The following SORCS2 variants were observed in gnomAD, a reference collection of about 807,000 sequenced individuals.
SORCS2 encodes sortilin related VPS10 domain containing receptor 2.
In SORCS2, 100 loss-of-function variants were observed where a neutral mutation model predicts 141.6. That is an observed-to-expected ratio of 0.71 (90% CI 0.60 to 0.83). SORCS2 has a LOEUF of 0.83. Among genes scored for constraint, SORCS2 ranks in the 40% least tolerant of loss-of-function variants. The pLI, the probability that SORCS2 is intolerant of heterozygous loss-of-function variation, is 0.00. For missense variants in SORCS2, 1,646 were observed against 1,560.2 expected (o/e 1.05, Z -0.93); for synonymous variants, 789 against 676.9 (o/e 1.17, Z -2.57).
At chr4:7,485,053 G>A (rs916185760) in intron 2 of SORCS2, among the ~76,000 whole-genome samples, 4 of 152,306 alleles carry the variant, frequency 2.6e-5, no homozygotes, top group Non-Finnish European at 5.9e-5. Context: ...GGCGTTTGTT[G>A]AGTGAATGAA....
At chr4:7,521,717 T>C (rs773778693) in intron 2 of SORCS2, among the ~76,000 whole-genome samples, 38 of 152,236 alleles carry the variant, frequency 2.5e-4, no homozygotes, top group Non-Finnish European at 5.0e-4. Context: ...GGTTCCAGTC[T>C]GGGGTTCCCT....
chr4:7,500,921 C>A (rs776024413), intron 2 of SORCS2, among the ~76,000 whole-genome samples: 1 of 152,210 alleles, frequency 6.6e-6, no homozygotes, highest in Non-Finnish European at 1.5e-5. Flanking sequence ...CCACCAGCCC[C>A]GACTCCTGTG....
At chr4:7,317,651 C>A (rs566983842) in intron 1 of SORCS2, among the ~76,000 whole-genome samples, 7 of 142,628 alleles carry the variant, frequency 4.9e-5, no homozygotes, top group Non-Finnish European at 7.8e-5. Flanking sequence ...TGTTTCTTCA[C>A]CTCTGTTTTC....
At chr4:7,288,429 A>G (rs1391167307) in intron 1 of SORCS2, among the ~76,000 whole-genome samples, 1 of 151,748 alleles carries the variant, frequency 6.6e-6, no homozygotes. Context: ...GGAGGCTTCA[A>G]TAACAGTATT....
chr4:7,415,437 C>T (rs948869004), intron 2 of SORCS2, among the ~76,000 whole-genome samples: 2 of 152,218 alleles, frequency 1.3e-5, no homozygotes, highest in African/African-American at 4.8e-5. Context: ...TCCCTCTGAC[C>T]CTTTTTTTGT....
At chr4:7,539,040 TGAGGCCCAGA>T (rs1164514811) in intron 3 of SORCS2, among the ~76,000 whole-genome samples, 1 of 152,110 alleles carries the variant, frequency 6.6e-6, no homozygotes, top group Admixed American at 6.5e-5. Flanking sequence ...TGAAAGAAAT[TGAGGCCCAGA>T]GAGGCCAAGT....
At chr4:7,275,758 G>C (rs531101004) in intron 1 of SORCS2, among the ~76,000 whole-genome samples, 1 of 152,174 alleles carries the variant, frequency 6.6e-6, no homozygotes, top group Non-Finnish European at 1.5e-5. Flanking sequence ...AAGGAATGGA[G>C]GCAGTTCTCC....
intron 8 of SORCS2, among the ~76,000 whole-genome samples, chr4:7,675,170 CT>C (rs1464051458): frequency 6.6e-6 from 1 of 152,206 alleles, no homozygotes; most frequent in East Asian, 1.9e-4. Flanking sequence ...CCTTTTTATT[CT>C]TTTGGGTTTT....
At chr4:7,556,900 C>T (rs1171660412) in intron 3 of SORCS2, among the ~76,000 whole-genome samples, 3 of 150,642 alleles carry the variant, frequency 2.0e-5, no homozygotes, top group African/African-American at 7.3e-5. Context: ...ACCCACCATC[C>T]ATCCATCCAT....
At chr4:7,424,460 C>T (rs988945032) in intron 2 of SORCS2, among the ~76,000 whole-genome samples, 6 of 152,190 alleles carry the variant, frequency 3.9e-5, no homozygotes, top group African/African-American at 1.4e-4. Flanking sequence ...TGTGCCCAGC[C>T]CCTTGGCTAT....
At chr4:7,468,258 C>T (rs1423228520) in intron 2 of SORCS2, among the ~76,000 whole-genome samples, 1 of 152,232 alleles carries the variant, frequency 6.6e-6, no homozygotes, top group Admixed American at 6.5e-5. Flanking sequence ...AGGTATGGAG[C>T]TACCACTATT....
rs547223156 is a variant in SORCS2 at position 7,472,752 on chromosome 4, G to A, written c.549-58778G>A. ...CGAGGCTCCGCTGAGACTGGTCCCC[G>A]CTGGAGGGGCCTCATTATGTTTGTA... On this transcript the variant is annotated intron_variant, in intron 2 of 26. Coordinates refer to ENST00000507866, the MANE Select transcript of SORCS2 (RefSeq NM_020777.3). Among the ~76,000 whole-genome samples, 12 of 152,260 alleles carry A rather than the reference G, an allele frequency of 7.9e-5. 1 individual carries two copies. The highest frequency in any genetic ancestry group is 3.9e-4 in the East Asian group (2 of 5,180).
At chr4:7,654,512 T>C (rs900407737) in intron 5 of SORCS2, among the ~76,000 whole-genome samples, 1 of 152,216 alleles carries the variant, frequency 6.6e-6, no homozygotes, top group Non-Finnish European at 1.5e-5. Context: ...GTGCCACTGC[T>C]GTTCCCTCCC....
intron 1 of SORCS2, among the ~76,000 whole-genome samples, chr4:7,337,270 G>A (rs1049821402): frequency 2.0e-5 from 3 of 152,158 alleles, no homozygotes; most frequent in South Asian, 2.1e-4. Context: ...GAGACCTGAC[G>A]GGGAGGGATG....
rs953066896 is a variant in SORCS2, at chr4:7,233,150, C to A, written c.480+40024C>A. Among the ~76,000 whole-genome samples the A allele has an allele frequency of 6.6e-6, 1 of 152,154 alleles. No homozygotes were observed. Among genetic ancestry groups the A allele is most frequent in the African/African-American group, 2.4e-5 (1 of 41,440 alleles). Reference sequence around the variant, plus strand: ...TGGGCACAGGCGAGTCCCCAAGGTACCCGAGGGAGGCCAGGTACTGTCACT... The same window carrying A: ...TGGGCACAGGCGAGTCCCCAAGGTAACCGAGGGAGGCCAGGTACTGTCACT... On this transcript the variant is annotated intron_variant, in intron 1 of 26. Coordinates refer to ENST00000507866, the MANE Select transcript of SORCS2 (RefSeq NM_020777.3). The surrounding 1 kb of genome is among the most constrained non-coding windows in gnomAD (Gnocchi z 4.5).
At chr4:7,627,222 C>T (rs1032792736) in intron 3 of SORCS2, among the ~76,000 whole-genome samples, 13 of 152,142 alleles carry the variant, frequency 8.5e-5, no homozygotes, top group African/African-American at 1.7e-4. Context: ...TGGACTCAAG[C>T]GATTCACCCA....
rs1048121729 is a variant in SORCS2 at position 7,286,191 on chromosome 4, C to G, written c.480+93065C>G. Among the ~76,000 whole-genome samples the G allele has an allele frequency of 1.3e-5, 2 of 152,222 alleles. No homozygotes were observed. The highest frequency in any genetic ancestry group is 4.8e-5 in the African/African-American group (2 of 41,466). ...CTGGGTCTCCAGGCCTGTGCCGGTC[C>G]TCACTGCACGACTCGGACCCTGAGT... On this transcript the variant is annotated intron_variant, in intron 1 of 26. Coordinates refer to ENST00000507866, the MANE Select transcript of SORCS2 (RefSeq NM_020777.3). This position sits in a 1 kb window ranked among gnomAD's most constrained non-coding sequence, Gnocchi z 4.1.
chr4:7,242,448 C>T (rs1026250781), intron 1 of SORCS2, among the ~76,000 whole-genome samples: 1 of 152,004 alleles, frequency 6.6e-6, no homozygotes, highest in Admixed American at 6.6e-5. Context: ...AAGCAGTCCT[C>T]CCACCCCGGC....
intron 3 of SORCS2, among the ~76,000 whole-genome samples, chr4:7,561,797 G>A (rs1714601452): frequency 7.9e-6 from 1 of 126,070 alleles, no homozygotes; most frequent in African/African-American, 3.3e-5. Flanking sequence ...TTGCCCATCT[G>A]TCTACCCATC....
Sources: gnomAD v4.1 joint callset for allele counts (sites outside exome capture counted in the v4.1 genomes callset) on GRCh38, gnomAD v4.1.1 for gene constraint, Gnocchi (gnomAD v3.1) non-coding constraint, MANE v1.5 for transcripts, NCBI Gene and HGNC (gene_info 2026-07-23, HGNC 2026-07-21) for gene names.